APOBR: variants seen among roughly 807,000 people sequenced by gnomAD.
APOBR encodes the protein apolipoprotein B receptor, also known as apoB-48R.
A neutral mutation model predicts 88.5 loss-of-function variants in APOBR; 57 were observed. The observed-to-expected ratio is 0.64, with a 90% confidence interval of 0.52 to 0.80. The LOEUF (loss-of-function observed/expected upper bound fraction) is 0.80, where lower values mean the gene tolerates loss of function less well. APOBR is among the 30% of genes least tolerant of loss of function. The probability of loss-of-function intolerance (pLI) is 0.00; values close to 1 mark genes in which losing one functional copy is unlikely to be tolerated. For synonymous variants in APOBR, 588 were observed against 572.7 expected (o/e 1.03, Z -0.38); for missense variants, 1,443 against 1,401.6 (o/e 1.03, Z -0.47).
chr16:28,498,046 C>T lies in APOBR; in HGVS notation c.2956-35C>T, dbSNP rs769552150. 27 of 1,545,422 alleles carry T rather than the reference C, an allele frequency of 1.7e-5. No individual in the cohort carries two copies. The South Asian group carries it at 1.8e-4, about 10-fold the overall frequency. On this transcript the variant is annotated intron_variant, in intron 2 of 3. Transcript: ENST00000564831. ...GGGGGAACGAGTGGAATCCCGAAGC[C>T]GGCCCCATGGTCCTCTGTGCCCCCT...
Position 28,496,671 on chromosome 16 carries a change from T to TACTGGGCTAGTAGCCA in APOBR, c.1630_1631insACTGGGCTAGTAGCCA (p.Cys544TyrfsTer27). ...GGAGAGTGAGGCGGCCCAGACTAGC[T>TACTGGGCTAGTAGCCA]GTGGCCTACTGGGCGTGGAATGGGG... On this transcript the variant is annotated frameshift_variant, in exon 2 of 4. Transcript: ENST00000564831. LOFTEE classifies it high-confidence loss of function. 3.1e-6 allele frequency: 5 copies of TACTGGGCTAGTAGCCA among 1,606,122 alleles called. No individual in the cohort carries two copies. The highest frequency in any genetic ancestry group is 4.3e-6 in the Non-Finnish European group (5 of 1,176,218).
At position 28,495,315 on chromosome 16, in the gene APOBR, G is replaced by T. The variant is rs1774406616; in HGVS notation, c.274G>T (p.Val92Leu). 4 of 1,543,866 alleles carry T rather than the reference G, an allele frequency of 2.6e-6. No individual in the cohort carries two copies. Among genetic ancestry groups the T allele is most frequent in the Non-Finnish European group, 3.5e-6 (4 of 1,145,388 alleles). Residue 92 changes from valine (V) to leucine (L), a missense_variant, in exon 2 of 4, where the codon GTG (valine) becomes TTG (leucine). Coordinates refer to ENST00000564831, the MANE Select transcript of APOBR (RefSeq NM_018690.4). ...RGPGDDRRHE[V>L]GSSAVEQTWG... is the part of the protein sequence containing the mutation. The stretch of plus-strand genomic sequence containing the variant: ...GCCTGGAGATGACAGAAGACATGAA[G>T]TGGGGAGCTCAGCTGTAGAACAGAC...
Position 28,497,340 on chromosome 16 carries a change from G to T in APOBR, c.2299G>T (p.Gly767Cys). 2.5e-6 allele frequency: 4 copies of T among 1,606,980 alleles called. No individual in the cohort carries two copies. The highest frequency in any genetic ancestry group is 3.4e-6 in the Non-Finnish European group (4 of 1,176,994). ...CTCTGTGGCTGCTGGGATTATGGGG[G>T]GTGATGTGGTCCCACACATCAGCGC... ...TGSVAAGIMG[G>C]DVVPHISAAG... is the part of the protein sequence containing the mutation. The change falls in exon 2 of 4, where the codon GGT (glycine) becomes TGT (cysteine). Residue 767 changes from glycine to cysteine, a missense_variant. Coordinates refer to ENST00000564831, the MANE Select transcript of APOBR (RefSeq NM_018690.4).
rs779781355 is a variant in APOBR at position 28,497,778 on chromosome 16, G to A, written c.2737G>A (p.Ala913Thr). The A allele has an allele frequency of 1.2e-6, 2 of 1,603,760 alleles. No individual in the cohort carries two copies. The highest frequency in any genetic ancestry group is 2.2e-5 in the East Asian group (1 of 44,514). Residue 913 changes from alanine (A) to threonine (T), a missense_variant, in exon 2 of 4, where the codon GCA becomes ACA. Physicochemically the swap from Ala to Thr is moderately conservative, Grantham distance 58. Coordinates refer to ENST00000564831, the MANE Select transcript of APOBR (RefSeq NM_018690.4). ...TGGGGACTACCACCCTGAGGGAGAG[G>A]CACCAAGGCTCCTTGATGCAGAGGG... Reference protein sequence around the residue: ...RCGDYHPEGEAPRLLDAEGLM... With the variant: ...RCGDYHPEGETPRLLDAEGLM...
At position 28,495,087 on chromosome 16, in the gene APOBR, C is replaced by CT; in HGVS notation, c.58-6dup. On this transcript the variant is annotated splice_polypyrimidine_tract_variant and intron_variant, in intron 1 of 3. Transcript: ENST00000564831. ...CTCAATGACTCTCCCCTCTCTCTCT[C>CT]TTTTTTCCTAGGATTCCCTCGGCAC... 1 of 1,485,496 alleles carries CT rather than the reference C, an allele frequency of 6.7e-7. No homozygotes were observed. Among genetic ancestry groups the CT allele is most frequent in the Non-Finnish European group, 8.9e-7 (1 of 1,117,890 alleles). 92.0% of individuals were successfully genotyped at this position (1,485,496 alleles called of 1,614,324 possible).
chr16:28,496,803 A>G lies in APOBR; in HGVS notation c.1762A>G (p.Met588Val). 2 of 1,564,432 alleles carry G rather than the reference A, an allele frequency of 1.3e-6. No individual in the cohort carries two copies. The highest frequency in any genetic ancestry group is 1.7e-6 in the Non-Finnish European group (2 of 1,153,990). ...AAGGGAGGCAGGGGAGGTGGAGCTC[A>G]TGGGAGTTCTGGCCCTGAGCAAAGA... ...EEREAGEVELMGVLALSKEEQ... is the reference protein window; with the variant it reads ...EEREAGEVELVGVLALSKEEQ... Residue 588 changes from methionine (M) to valine (V), a missense_variant, in exon 2 of 4, where the codon ATG becomes GTG. Physicochemically the swap from Met to Val is conservative, Grantham distance 21. Coordinates refer to ENST00000564831, the MANE Select transcript of APOBR (RefSeq NM_018690.4).
At position 28,497,135 on chromosome 16, in the gene APOBR, A is replaced by G. The variant is rs767490617; in HGVS notation, c.2094A>G (p.Ser698=). ...CTGAGGAGGGAGAGGCATCTGTCTC[A>G]GAGAACCAGGAGCTGGACGGAAGCA... The part of the protein sequence containing the change: ...CGTEEGEASV[S]ENQELDGSTG... The change falls in exon 2 of 4, where the codon TCA becomes TCG. Residue 698 remains serine, a synonymous_variant. Coordinates refer to ENST00000564831, the MANE Select transcript of APOBR (RefSeq NM_018690.4). 5 of 1,606,628 alleles carry G rather than the reference A, an allele frequency of 3.1e-6. No homozygotes were observed. In the Admixed American group the frequency reaches 6.8e-5, roughly 22 times the overall value.
chr16:28,495,756 C>G lies in APOBR; in HGVS notation c.715C>G (p.Pro239Ala), dbSNP rs775282556. 1 of 1,551,802 alleles carries G rather than the reference C, an allele frequency of 6.4e-7. No homozygotes were observed. Among genetic ancestry groups the G allele is most frequent in the Non-Finnish European group, 8.7e-7 (1 of 1,148,012 alleles). The change falls in exon 2 of 4, where the codon CCT (proline) becomes GCT (alanine). Residue 239 changes from proline to alanine, a missense_variant. By Grantham distance (27) the Pro-to-Ala change is conservative (BLOSUM62 -1). Coordinates refer to ENST00000564831, the MANE Select transcript of APOBR (RefSeq NM_018690.4). ...GGCAGATGCAGGGGAAACTGAGGAG[C>G]CTGGGGCCGAAGGGGCTGGGAAAGG... ...READAGETEE[P>A]GAEGAGKGEE...
In APOBR at chr16:28,497,930, C is replaced by T. The variant is rs751416535; in HGVS notation, c.2889C>T (p.Val963=). ...CTGCAGAAGCTGCGCCGGAGTCAGTCGGGGAAGCCGAGACGGCTGAGGCCA... is the reference window on the plus strand; with the variant it reads ...CTGCAGAAGCTGCGCCGGAGTCAGTTGGGGAAGCCGAGACGGCTGAGGCCA... ...QAPAEAAPES[V]GEAETAEAMG... The change falls in exon 2 of 4, where the codon GTC becomes GTT. Residue 963 remains valine, a synonymous_variant. Coordinates refer to ENST00000564831, the MANE Select transcript of APOBR (RefSeq NM_018690.4). 5.6e-6 allele frequency: 9 copies of T among 1,613,214 alleles called. No homozygotes were observed. The highest frequency in any genetic ancestry group is 2.2e-5 in the East Asian group (1 of 44,856).
In APOBR at chr16:28,495,579, G is replaced by A. The variant is rs1477167263; in HGVS notation, c.538G>A (p.Glu180Lys). 1 of 1,563,026 alleles carries A rather than the reference G, an allele frequency of 6.4e-7. No individual in the cohort carries two copies. Among genetic ancestry groups the A allele is most frequent in the Admixed American group, 1.9e-5 (1 of 51,626 alleles). Residue 180 changes from glutamate (E) to lysine (K), a missense_variant, in exon 2 of 4, where the codon GAG becomes AAG. Coordinates refer to ENST00000564831, the MANE Select transcript of APOBR (RefSeq NM_018690.4). ...GAGGCTGAGAAGCTGGGAACAGGAGGAGGAGGAGGAAGAGGTCAGGGCAAG... is the reference window on the plus strand; with the variant it reads ...GAGGCTGAGAAGCTGGGAACAGGAGAAGGAGGAGGAAGAGGTCAGGGCAAG... The part of the protein sequence containing the change: ...EERLRSWEQE[E>K]EEEEVRAREP...
rs1488574964 is a variant in APOBR, at chr16:28,498,558, C to T, written c.*53C>T. On this transcript the variant is annotated 3_prime_UTR_variant, in exon 4 of 4. Coordinates refer to ENST00000564831, the MANE Select transcript of APOBR (RefSeq NM_018690.4). ...CCCTGAGTGGGTGCCAGAAGGCTTGCTCCAATGCCACTGAGCCCTGCTCCC... is the reference window on the plus strand; with the variant it reads ...CCCTGAGTGGGTGCCAGAAGGCTTGTTCCAATGCCACTGAGCCCTGCTCCC... The T allele has an allele frequency of 1.9e-5, 29 of 1,539,092 alleles. No homozygotes were observed. In the East Asian group the frequency reaches 5.3e-4, roughly 28 times the overall value.
Position 28,495,763 on chromosome 16 carries a change from C to G in APOBR, c.722C>G (p.Ala241Gly), listed in dbSNP as rs986738399. 3.2e-6 allele frequency: 5 copies of G among 1,558,446 alleles called. No individual in the cohort carries two copies. Among genetic ancestry groups the G allele is most frequent in the Non-Finnish European group, 4.3e-6 (5 of 1,151,588 alleles). The change falls in exon 2 of 4, where the codon GCC becomes GGC. Residue 241 changes from alanine to glycine, a missense_variant. Coordinates refer to ENST00000564831, the MANE Select transcript of APOBR (RefSeq NM_018690.4). ...ADAGETEEPG[A>G]EGAGKGEEVV... ...GCAGGGGAAACTGAGGAGCCTGGGG[C>G]CGAAGGGGCTGGGAAAGGAGAAGAG... is the stretch of plus-strand genomic sequence containing the variant.
Position 28,497,305 on chromosome 16 carries a change from CACAG to C in APOBR, c.2267_2270del (p.Gln756LeufsTer63). The C allele has an allele frequency of 3.1e-6, 5 of 1,599,522 alleles. No individual in the cohort carries two copies. Among genetic ancestry groups the C allele is most frequent in the Non-Finnish European group, 4.3e-6 (5 of 1,173,410 alleles). Reference sequence around the variant, plus strand: ...GTGGGCCTCCCGGACCGTGAGGATGCACAGACTGGCTCTGTGGCTGCTGGGATTA... The same window carrying C: ...GTGGGCCTCCCGGACCGTGAGGATGCACTGGCTCTGTGGCTGCTGGGATTA... On this transcript the variant is annotated frameshift_variant, in exon 2 of 4. Transcript: ENST00000564831. LOFTEE classifies it high-confidence loss of function.
rs2046402697 is a variant in APOBR, at chr16:28,497,511, A to G, written c.2470A>G (p.Ser824Gly). ...AGAGGAAGAGGTGACTGGCAGAGGC[A>G]GCCAAGTAGAGGCTTTTGAGTCCAG... is the stretch of plus-strand genomic sequence containing the variant. ...SAEEEVTGRGSQVEAFESREG... is the reference protein window; with the variant it reads ...SAEEEVTGRGGQVEAFESREG... Residue 824 changes from serine to glycine, a missense_variant, in exon 2 of 4, where the codon AGC becomes GGC. Ser to Gly is a moderately conservative substitution (Grantham distance 56, BLOSUM62 0). Transcript: ENST00000564831. 1 of 1,612,586 alleles carries G rather than the reference A, an allele frequency of 6.2e-7. No individual in the cohort carries two copies. Among genetic ancestry groups the G allele is most frequent in the Admixed American group, 1.7e-5 (1 of 59,748 alleles).
At position 28,497,552 on chromosome 16, in the gene APOBR, G is replaced by A; in HGVS notation, c.2511G>A (p.Trp837Ter). The A allele has an allele frequency of 6.2e-7, 1 of 1,607,436 alleles. No individual in the cohort carries two copies. Among genetic ancestry groups the A allele is most frequent in the Non-Finnish European group, 8.5e-7 (1 of 1,176,676 alleles). ...EAFESREGGP[W>*]GGRVEAEESA... ...TTGAGTCCAGGGAGGGAGGACCTTG[G>A]GGAGGGCGGGTAGAGGCCGAGGAAT... Residue 837 changes from tryptophan (W) to a stop codon, truncating the protein, a stop_gained, in exon 2 of 4, where the codon TGG (tryptophan) becomes TGA (stop). Transcript: ENST00000564831. LOFTEE classifies it high-confidence loss of function.
Position 28,497,415 on chromosome 16 carries a change from T to C in APOBR, c.2374T>C (p.Ser792Pro). The change falls in exon 2 of 4, where the codon TCG (serine) becomes CCG (proline). Residue 792 changes from serine to proline, a missense_variant. Physicochemically the swap from Ser to Pro is moderately conservative, Grantham distance 74. Transcript: ENST00000564831. ...AGGGGTGCTTGGGCAAGGCTGGGAC[T>C]CGAAAGAAAAGGAAGAGGCAGCAGC... The part of the protein sequence containing the change: ...LEGVLGQGWD[S>P]KEKEEAAAGE... 2 of 1,613,362 alleles carry C rather than the reference T, an allele frequency of 1.2e-6. No individual in the cohort carries two copies. Among genetic ancestry groups the C allele is most frequent in the South Asian group, 1.1e-5 (1 of 91,002 alleles).
chr16:28,498,102 C>T lies in APOBR; in HGVS notation c.2977C>T (p.Leu993=). The change falls in exon 3 of 4, where the codon CTA becomes TTA. Residue 993 remains leucine (L), a synonymous_variant. Transcript: ENST00000564831. ...WSEAPLPGSL[L]DVSVPRSRVH... ...GCAGGCCCCGCTCCCCGGGTCCCTC[C>T]TAGACGTCTCTGTCCCAAGGAGTCG... 1 of 1,577,060 alleles carries T rather than the reference C, an allele frequency of 6.3e-7. No homozygotes were observed. Among genetic ancestry groups the T allele is most frequent in the Non-Finnish European group, 8.6e-7 (1 of 1,166,188 alleles).
chr16:28,496,684 G>T lies in APOBR; in HGVS notation c.1643G>T (p.Gly548Val). ...GCCCAGACTAGCTGTGGCCTACTGG[G>T]CGTGGAATGGGGTGGCCTCACACAC... ...EAAQTSCGLL[G>V]VEWGGLTHSV... The change falls in exon 2 of 4, where the codon GGC (glycine) becomes GTC (valine). Residue 548 changes from glycine (G) to valine (V), a missense_variant. Gly to Val is a moderately radical substitution (Grantham distance 109). Transcript: ENST00000564831. 1 of 1,605,598 alleles carries T rather than the reference G, an allele frequency of 6.2e-7. No individual in the cohort carries two copies. The highest frequency in any genetic ancestry group is 8.5e-7 in the Non-Finnish European group (1 of 1,176,242).
At position 28,497,283 on chromosome 16, in the gene APOBR, G is replaced by A. The variant is rs755214523; in HGVS notation, c.2242G>A (p.Gly748Ser). Residue 748 changes from glycine to serine, a missense_variant, in exon 2 of 4, where the codon GGC becomes AGC. By Grantham distance (56) the Gly-to-Ser change is moderately conservative. Coordinates refer to ENST00000564831, the MANE Select transcript of APOBR (RefSeq NM_018690.4). Reference protein sequence around the residue: ...RGWRLQAVAVGLPDREDAQTG... With the variant: ...RGWRLQAVAVSLPDREDAQTG... ...CTGGAGGCTGCAAGCGGTGGCTGTG[G>A]GCCTCCCGGACCGTGAGGATGCACA... 1 of 1,592,254 alleles carries A rather than the reference G, an allele frequency of 6.3e-7. No homozygotes were observed.
Sources: gnomAD v4.1 joint callset for allele counts on GRCh38, gnomAD v4.1.1 for gene constraint, MANE v1.5 for transcripts, NCBI Gene and HGNC (gene_info 2026-07-23, HGNC 2026-07-21) for gene names.